Variants in CROCC observed in about 807,000 individuals in gnomAD.
CROCC encodes the protein rootletin.
Under a neutral mutation model 245.2 loss-of-function variants are expected in CROCC, and 180 were observed. The observed-to-expected ratio is 0.73, with a 90% CI of 0.65 to 0.83. CROCC has a LOEUF of 0.83. Among genes scored for constraint, CROCC ranks in the 40% least tolerant of loss-of-function variants. CROCC has a pLI of 0.00. For missense variants in CROCC, 2,688 were observed against 2,779.4 expected, an observed-to-expected ratio of 0.97 and a Z score of 0.74; for synonymous variants, 1,205 against 1,241.6, an observed-to-expected ratio of 0.97 and a Z score of 0.62.
In CROCC at chr1:16,946,779, G is replaced by T. The variant is rs755588921; in HGVS notation, c.2302G>T (p.Ala768Ser). Residue 768 changes from alanine (A) to serine (S), a missense_variant, in exon 17 of 37, where the codon GCC (alanine) becomes TCC (serine). Transcript: ENST00000375541. ...LVAQLEEEKSALQGRQRQAEQ... is the reference protein window; with the variant it reads ...LVAQLEEEKSSLQGRQRQAEQ... Reference sequence around the variant, plus strand: ...CCTCCAGCTGGAGGAAGAAAAGTCCGCCCTGCAGGGCCGGCAACGGCAGGC... The same window carrying T: ...CCTCCAGCTGGAGGAAGAAAAGTCCTCCCTGCAGGGCCGGCAACGGCAGGC... 1 of 1,551,650 alleles carries T rather than the reference G, an allele frequency of 6.4e-7. No individual in the cohort carries two copies. The highest frequency in any genetic ancestry group is 1.2e-5 in the South Asian group (1 of 84,076).
chr1:16,939,622 G>A (rs12049289), intron 12 of CROCC, among the ~76,000 whole-genome samples: 1 of 143,714 alleles, frequency 7.0e-6, no homozygotes, highest in Non-Finnish European at 1.6e-5. Flanking sequence ...CCCAGGAGAC[G>A]AGTGTGCCTG....
chr1:16,925,853 G>T (rs2075522796), intron 3 of CROCC, among the ~76,000 whole-genome samples: 1 of 152,240 alleles, frequency 6.6e-6, no homozygotes. Context: ...AGGGTCTGCA[G>T]CGGGTGTGTA....
chr1:16,932,715 A>G lies in CROCC; in HGVS notation c.956+1318A>G, dbSNP rs2075705373. Reference sequence around the variant, plus strand: ...TGCAATGAAGAGCTGGTACAGGGAAAGGAGAGCCTGCCTCAGCGGGGGAGC... The same window carrying G: ...TGCAATGAAGAGCTGGTACAGGGAAGGGAGAGCCTGCCTCAGCGGGGGAGC... On this transcript the variant is annotated intron_variant, in intron 8 of 36. Coordinates refer to ENST00000375541, the MANE Select transcript of CROCC (RefSeq NM_014675.5). Among the ~76,000 whole-genome samples the G allele has an allele frequency of 2.0e-5, 3 of 152,364 alleles. No homozygotes were observed. The South Asian group carries it at 6.2e-4, about 32-fold the overall frequency.
chr1:16,932,803 G>GA (rs1265005926), intron 8 of CROCC, among the ~76,000 whole-genome samples: 1 of 152,282 alleles, frequency 6.6e-6, no homozygotes, highest in East Asian at 1.9e-4. Flanking sequence ...GCTGCGGAGA[G>GA]AGCCCCAAGG....
rs777222659 is a variant in CROCC at position 16,954,764 on chromosome 1, C to G, written c.3352C>G (p.Arg1118Gly). The change falls in exon 23 of 37, where the codon CGG (arginine) becomes GGG (glycine). Residue 1118 changes from arginine (R) to glycine (G), a missense_variant. Physicochemically the swap from Arg to Gly is moderately radical, Grantham distance 125. This residue lies in a region of CROCC where 1,218 missense variants were observed against 1,286.3 expected (regional missense o/e 0.95). Transcript: ENST00000375541. This position sits in a 1 kb window ranked among gnomAD's most constrained non-coding sequence, Gnocchi z 4.4. Reference protein sequence around the residue: ...STVNALTSELRDLRAQREEAA... With the variant: ...STVNALTSELGDLRAQREEAA... ...CGTGAACGCTCTGACGTCTGAGCTG[C>G]GGGACCTACGGGCCCAGCGGGAGGA... is the stretch of plus-strand genomic sequence containing the variant. 5.3e-5 allele frequency: 83 copies of G among 1,554,786 alleles called. No homozygotes were observed. The highest frequency in any genetic ancestry group is 7.0e-5 in the Non-Finnish European group (81 of 1,149,922).
chr1:16,944,452 G>A (rs1238738861), intron 14 of CROCC, among the ~76,000 whole-genome samples, 170 bp downstream of exon 14: 2 of 152,298 alleles, frequency 1.3e-5, no homozygotes, highest in Non-Finnish European at 2.9e-5. Flanking sequence ...TGGGGCTCAG[G>A]GAGGTATAGT....
upstream of CROCC, among the ~76,000 whole-genome samples, chr1:16,919,179 C>CCTGG (rs2075352924): frequency 6.6e-6 from 1 of 152,294 alleles, no homozygotes; most frequent in Admixed American, 6.5e-5. Flanking sequence ...GACTGATGAG[C>CCTGG]ATTTATACAG....
chr1:16,933,174 G>A (rs1449431261), intron 8 of CROCC, among the ~76,000 whole-genome samples: 3 of 152,268 alleles, frequency 2.0e-5, no homozygotes, highest in Non-Finnish European at 4.4e-5. Context: ...TCTCATAAAT[G>A]TCACAGATAG....
chr1:16,950,616 C>G (rs761119191), intron 19 of CROCC, among the ~76,000 whole-genome samples: 4 of 152,248 alleles, frequency 2.6e-5, no homozygotes, highest in Non-Finnish European at 4.4e-5. Flanking sequence ...CCCCAGCTTC[C>G]CAAAGTGCTG....
Position 16,970,471 on chromosome 1 carries a change from C to A in CROCC, c.5652+18C>A. 6.4e-7 allele frequency: 1 copy of A among 1,551,638 alleles called. No individual in the cohort carries two copies. Among genetic ancestry groups the A allele is most frequent in the South Asian group, 1.2e-5 (1 of 83,466 alleles). On this transcript the variant is annotated intron_variant, in intron 34 of 36. Coordinates refer to ENST00000375541, the MANE Select transcript of CROCC (RefSeq NM_014675.5). ...TGGACAAGGTAGGCTGCTCCCCAGGCTCTCCCCTCACTTCCTCTGGGGCCT... is the reference window on the plus strand; with the variant it reads ...TGGACAAGGTAGGCTGCTCCCCAGGATCTCCCCTCACTTCCTCTGGGGCCT...
At chr1:16,938,374 C>G (rs190671567) in intron 10 of CROCC, 26 bp from the exon 11 acceptor site, 5 of 1,544,674 alleles carry the variant, frequency 3.2e-6, no homozygotes. Flanking sequence ...CCCCAACCAC[C>G]CTTTGTCTCC....
At chr1:16,931,516 G>A (rs2075677878) in intron 8 of CROCC, 119 bp downstream of exon 8, 4 of 896,516 alleles carry the variant, frequency 4.5e-6, no homozygotes, top group African/African-American at 1.6e-5. Flanking sequence ...GGGCCGGTGA[G>A]GACACAGAGG....
Position 16,968,432 on chromosome 1 carries a change from C to G in CROCC, c.5076+14C>G, listed in dbSNP as rs767354188. Reference sequence around the variant, plus strand: ...CTGCAGAGACAGGTGGGCCCCTCCCCAAATCACAGCCACAGTGTTCACATG... The same window carrying G: ...CTGCAGAGACAGGTGGGCCCCTCCCGAAATCACAGCCACAGTGTTCACATG... On this transcript the variant is annotated intron_variant, in intron 31 of 36. Coordinates refer to ENST00000375541, the MANE Select transcript of CROCC (RefSeq NM_014675.5). 1.5e-5 allele frequency: 22 copies of G among 1,466,070 alleles called. No individual in the cohort carries two copies. In the South Asian group the frequency reaches 1.7e-4, roughly 11 times the overall value. The allele number at this position is 1,466,070 out of a possible 1,614,324, so 90.8% of individuals were successfully genotyped here.
chr1:16,968,329 G>A lies in CROCC; in HGVS notation c.4987G>A (p.Gly1663Arg). The A allele has an allele frequency of 6.5e-7, 1 of 1,548,508 alleles. No individual in the cohort carries two copies. The highest frequency in any genetic ancestry group is 8.7e-7 in the Non-Finnish European group (1 of 1,146,454). Residue 1663 changes from glycine to arginine, a missense_variant, in exon 31 of 37, where the codon GGG becomes AGG. This residue lies in a region of CROCC where 1,218 missense variants were observed against 1,286.3 expected (regional missense o/e 0.95). Coordinates refer to ENST00000375541, the MANE Select transcript of CROCC (RefSeq NM_014675.5). ...KLELQRRSLE[G>R]ELQRSRLGLS... ...GGAGCTGCAGCGGCGCTCGCTTGAGGGGGAGCTGCAGCGCAGCCGCCTGGG... is the reference window on the plus strand; with the variant it reads ...GGAGCTGCAGCGGCGCTCGCTTGAGAGGGAGCTGCAGCGCAGCCGCCTGGG...
At chr1:16,914,262 C>G (rs138600303) in intron 1 of CROCC, among the ~76,000 whole-genome samples, 1 of 151,906 alleles carries the variant, frequency 6.6e-6, no homozygotes, top group Non-Finnish European at 1.5e-5. Flanking sequence ...TGTTCCGCGA[C>G]TGCCGCGGCC....
At chr1:16,969,977 G>T (rs1263622806) in intron 33 of CROCC, 43 bp downstream of exon 33, 1 of 1,532,554 alleles carries the variant, frequency 6.5e-7, no homozygotes, top group African/African-American at 1.4e-5. Context: ...AGACTGTGAG[G>T]CCCTAGGATA....
rs1280415231 is a variant in CROCC at position 16,930,411 on chromosome 1, C to A, written c.684-18C>A. 1.2e-6 allele frequency: 2 copies of A among 1,611,054 alleles called. No homozygotes were observed. Among genetic ancestry groups the A allele is most frequent in the Non-Finnish European group, 1.7e-6 (2 of 1,179,436 alleles). ...GCCCCCTGCGCGAGCGCCTACTGAT[C>A]CCCTGTGCCCCATTCAGGAGTGCCA... On this transcript the variant is annotated intron_variant, in intron 6 of 36. Coordinates refer to ENST00000375541, the MANE Select transcript of CROCC (RefSeq NM_014675.5).
In CROCC at chr1:16,954,093, G is replaced by C. The variant is rs1379287475; in HGVS notation, c.3187-130G>C. ...TTTTCCAGGGCTGCATGTCTGCCCT[G>C]GGTCCACCTGCAGTGGCACACTCAG... On this transcript the variant is annotated intron_variant, in intron 21 of 36. Coordinates refer to ENST00000375541, the MANE Select transcript of CROCC (RefSeq NM_014675.5). This position sits in a 1 kb window ranked among gnomAD's most constrained non-coding sequence, Gnocchi z 4.4. 21 of 903,480 alleles carry C rather than the reference G, an allele frequency of 2.3e-5. No homozygotes were observed. Among genetic ancestry groups the C allele is most frequent in the African/African-American group, 1.9e-4 (11 of 57,114 alleles). 56.0% of individuals were successfully genotyped at this position (903,480 alleles called of 1,614,324 possible). A position where few individuals can be genotyped will look rare whatever the true frequency, so the allele number is the denominator to read the frequency against.
At chr1:16,929,597 C>T (rs547103132) in intron 3 of CROCC, among the ~76,000 whole-genome samples, 151 of 152,360 alleles carry the variant, frequency 9.9e-4, no homozygotes, top group African/African-American at 3.3e-3. Flanking sequence ...GCTTTGCCTG[C>T]GTGGTTTGGG....
Sources: allele counts gnomAD v4.1 joint callset (sites outside exome capture counted in the v4.1 genomes callset), GRCh38; gene constraint gnomAD v4.1.1; regional missense constraint gnomAD v4.1.1; non-coding constraint Gnocchi (gnomAD v3.1); transcripts MANE v1.5; gene names NCBI Gene and HGNC (gene_info 2026-07-23, HGNC 2026-07-21).